Variants in ST7 observed in about 807,000 individuals in gnomAD.
The protein encoded by ST7 is suppression of tumorigenicity 7.
A neutral mutation model predicts 78.7 loss-of-function variants in ST7; 28 were observed. The observed-to-expected ratio is 0.36, with a 90% CI of 0.26 to 0.49. ST7 has a LOEUF of 0.49. Among genes scored for constraint, ST7 ranks in the 20% least tolerant of loss-of-function variants. The pLI, the probability that ST7 is intolerant of heterozygous loss-of-function variation, is 0.99. For missense variants in ST7, 418 were observed against 696.0 expected (o/e 0.60, Z 4.49); for synonymous variants, 247 against 249.6 (o/e 0.99, Z 0.10).
intron 1 of ST7, among the ~76,000 whole-genome samples, chr7:117,011,546 A>G (rs1377868275): frequency 6.6e-6 from 1 of 152,228 alleles, no homozygotes; most frequent in Non-Finnish European, 1.5e-5. Context: ...ATCTTAGATC[A>G]GAGAGGTAAT....
intron 5 of ST7, 59 bp from the exon 6 acceptor site, chr7:117,131,826 C>G (rs1804382860): frequency 9.0e-6 from 13 of 1,440,750 alleles, no homozygotes; most frequent in Non-Finnish European, 1.3e-5. Context: ...TTGTCCTCTA[C>G]TGAGTCTACC....
At chr7:117,192,879 A>G (rs1809924105) in intron 12 of ST7, among the ~76,000 whole-genome samples, 1 of 152,202 alleles carries the variant, frequency 6.6e-6, no homozygotes, top group Non-Finnish European at 1.5e-5. Flanking sequence ...TTATCCTAAA[A>G]GTGGAAACAT....
intron 5 of ST7, 118 bp from the exon 6 acceptor site, chr7:117,131,767 G>T: frequency 1.1e-6 from 1 of 906,570 alleles, no homozygotes; most frequent in South Asian, 1.5e-5. Flanking sequence ...AACCCTCTTA[G>T]CAATGAAATA....
intron 1 of ST7, chr7:116,959,012 G>C (rs1792682660): frequency 2.8e-6 from 1 of 354,708 alleles, no homozygotes; most frequent in African/African-American, 2.1e-5. Flanking sequence ...TCCAGAGAAA[G>C]ATTTCTCTGT....
chr7:117,077,818 G>A lies in ST7; in HGVS notation c.152-21944G>A, dbSNP rs1799460431. Among the ~76,000 whole-genome samples the A allele has an allele frequency of 4.1e-5, 6 of 146,462 alleles. No homozygotes were observed. In the South Asian group the frequency reaches 1.3e-3, roughly 32 times the overall value. Reference sequence around the variant, plus strand: ...TGTAATCAGTGTGGGTTTGAGTTCTGTTGTGAAAGAGGTATTGATTTCTTT... The same window carrying A: ...TGTAATCAGTGTGGGTTTGAGTTCTATTGTGAAAGAGGTATTGATTTCTTT... On this transcript the variant is annotated intron_variant, in intron 1 of 15. Coordinates refer to ENST00000323984, the MANE Select transcript of ST7 (RefSeq NM_001369598.1).
intron 1 of ST7, among the ~76,000 whole-genome samples, chr7:117,055,069 C>T (rs1163581879): frequency 6.6e-6 from 1 of 152,100 alleles, no homozygotes; most frequent in Non-Finnish European, 1.5e-5. Flanking sequence ...TTAATAGTCA[C>T]CCAGTAATTG....
At chr7:116,958,514 A>G (rs967684438) in intron 1 of ST7, 6 of 421,410 alleles carry the variant, frequency 1.4e-5, no homozygotes, top group Middle Eastern at 3.5e-4. Flanking sequence ...TGCAGTTTAC[A>G]TAGGTCTTTT....
At chr7:117,170,757 AT>A in intron 9 of ST7, 104 bp from the exon 10 acceptor site, 1 of 376,132 alleles carries the variant, frequency 2.7e-6, no homozygotes, top group South Asian at 1.1e-4. Context: ...GTGTATATAT[AT>A]CCAAACCGTG....
intron 2 of ST7, among the ~76,000 whole-genome samples, chr7:117,103,286 A>T (rs1363858531): frequency 6.6e-6 from 1 of 152,240 alleles, no homozygotes; most frequent in Non-Finnish European, 1.5e-5. Flanking sequence ...GAAGACCCTG[A>T]ATAGCCAGAG....
chr7:117,119,689 G>A lies in ST7; in HGVS notation c.363G>A (p.Gly121=), dbSNP rs145261399. Residue 121 remains glycine (G), a synonymous_variant, in exon 3 of 16, where the codon GGG becomes GGA. Transcript: ENST00000323984. ...NSSNNSNSSN[G]DSDSNRQSVS... is the part of the protein sequence containing the mutation. ...CCAACAATTCTAATTCCAGTAACGG[G>A]GACTCAGATTCCAATAGGCAAAGTG... 717 of 1,613,022 alleles carry A rather than the reference G, an allele frequency of 4.4e-4. 3 individuals carry two copies. The African/African-American group carries it at 8.3e-3, about 19-fold the overall frequency.
intron 1 of ST7, among the ~76,000 whole-genome samples, chr7:116,960,740 A>C (rs991974163): frequency 6.6e-6 from 1 of 152,152 alleles, no homozygotes; most frequent in Non-Finnish European, 1.5e-5. Context: ...TCAGATGCAA[A>C]GTTTCCAAAA....
chr7:117,067,486 G>T (rs1798701572), intron 1 of ST7, among the ~76,000 whole-genome samples: 1 of 152,106 alleles, frequency 6.6e-6, no homozygotes, highest in African/African-American at 2.4e-5. Context: ...TAGCCAGGGA[G>T]CAGGGTGGGT....
At position 117,143,595 on chromosome 7, in the gene ST7, C is replaced by T. The variant is rs1308125574; in HGVS notation, c.963+5063C>T. Among the ~76,000 whole-genome samples the T allele has an allele frequency of 3.3e-5, 5 of 152,284 alleles. No homozygotes were observed. In the East Asian group the frequency reaches 7.7e-4, roughly 23 times the overall value. ...TCTAGGTGCTTTACAAATATAACCTCATTTAATTTTCCTAACAACCCTTGA... is the reference window on the plus strand; with the variant it reads ...TCTAGGTGCTTTACAAATATAACCTTATTTAATTTTCCTAACAACCCTTGA... On this transcript the variant is annotated intron_variant, in intron 9 of 15. Transcript: ENST00000323984.
intron 10 of ST7, among the ~76,000 whole-genome samples, chr7:117,188,089 A>T (rs1809432015): frequency 6.6e-6 from 1 of 152,084 alleles, no homozygotes; most frequent in African/African-American, 2.4e-5. Context: ...ATTTTCTATG[A>T]TTGTGTTTTA....
chr7:117,019,251 C>A (rs754379548), intron 1 of ST7, among the ~76,000 whole-genome samples: 11 of 152,108 alleles, frequency 7.2e-5, no homozygotes, highest in Non-Finnish European at 1.3e-4. Context: ...TTGTGCATTT[C>A]AGTATTTTAA....
rs1054610738 is a variant in ST7, at chr7:117,189,455, G to T, written c.1151+62G>T. ...ACCGGAATTGAGATGTGTTGCCTCTGAGGGCTTTCTCTGGAAGTTTCTCTT... is the reference window on the plus strand; with the variant it reads ...ACCGGAATTGAGATGTGTTGCCTCTTAGGGCTTTCTCTGGAAGTTTCTCTT... On this transcript the variant is annotated intron_variant, in intron 11 of 15. Transcript: ENST00000323984. 90 of 1,363,856 alleles carry T rather than the reference G, an allele frequency of 6.6e-5. No homozygotes were observed. The African/African-American group carries it at 1.2e-3, about 19-fold the overall frequency. The allele number at this position is 1,363,856 out of a possible 1,614,324, so 84.5% of individuals were successfully genotyped here.
intron 2 of ST7, among the ~76,000 whole-genome samples, chr7:117,100,219 C>T (rs561117080): frequency 6.4e-4 from 98 of 152,230 alleles, no homozygotes; most frequent in Middle Eastern, 3.4e-3. Context: ...CATCTGTAAT[C>T]CCAGCACTTT....
chr7:117,135,250 A>G (rs763809623), intron 7 of ST7, among the ~76,000 whole-genome samples: 2 of 152,074 alleles, frequency 1.3e-5, no homozygotes, highest in Non-Finnish European at 2.9e-5. Context: ...TTCATTAATT[A>G]TCCTTTTGGC....
chr7:117,026,532 G>T (rs894213542), intron 1 of ST7, among the ~76,000 whole-genome samples: 1 of 152,110 alleles, frequency 6.6e-6, no homozygotes, highest in African/African-American at 2.4e-5. Context: ...AATTAATTCA[G>T]ATACTTATGA....
Sources: gnomAD v4.1 joint callset for allele counts (sites outside exome capture counted in the v4.1 genomes callset) on GRCh38, gnomAD v4.1.1 for gene constraint, MANE v1.5 for transcripts, NCBI Gene and HGNC (gene_info 2026-07-23, HGNC 2026-07-21) for gene names.